Variants in CYP2C19 observed in about 807,000 individuals in gnomAD.
The protein encoded by CYP2C19 is cytochrome P450 family 2 subfamily C member 19.
CYP2C19 carries 59 observed loss-of-function variants against 40.9 expected under a neutral mutation model. The observed-to-expected ratio is 1.44, with a 90% CI of 1.17 to 1.79. The LOEUF (loss-of-function observed/expected upper bound fraction) is 1.79, where lower values mean the gene tolerates loss of function less well. CYP2C19 is among the 40% of genes most tolerant of loss of function. The pLI is 0.00. For synonymous variants in CYP2C19, 253 were observed against 208.7 expected (o/e 1.21, Z -1.83); for missense variants, 754 against 596.9 (o/e 1.26, Z -2.74).
chr10:94,799,644 A>T (rs1179665195), intron 5 of CYP2C19, among the ~76,000 whole-genome samples: 1 of 152,166 alleles, frequency 6.6e-6, no homozygotes, highest in Non-Finnish European at 1.5e-5. Flanking sequence ...AATCAAATGT[A>T]GATTTGGTCT....
intron 6 of CYP2C19, among the ~76,000 whole-genome samples, chr10:94,828,343 GC>G (rs1252188802): frequency 6.6e-6 from 1 of 151,626 alleles, no homozygotes; most frequent in East Asian, 1.9e-4. Context: ...GAATCTTGGT[GC>G]TCCTGTATTG....
chr10:94,822,583 A>G (rs1214824326), intron 6 of CYP2C19, among the ~76,000 whole-genome samples: 1 of 152,188 alleles, frequency 6.6e-6, no homozygotes, highest in East Asian at 1.9e-4. Context: ...GGGGGGGCAT[A>G]TACTCAATAG....
intron 6 of CYP2C19, among the ~76,000 whole-genome samples, chr10:94,840,993 G>A (rs1435680650): frequency 1.3e-5 from 2 of 152,210 alleles, no homozygotes; most frequent in African/African-American, 2.4e-5. Flanking sequence ...ATGTCCCTTT[G>A]TTGTCACCAA....
intron 1 of CYP2C19, among the ~76,000 whole-genome samples, chr10:94,771,144 G>A (rs1848324428): frequency 6.6e-6 from 1 of 152,060 alleles, no homozygotes; most frequent in South Asian, 2.1e-4. Context: ...AATCAGAGAG[G>A]GAGAAGCGGC....
At chr10:94,844,809 T>G (rs145947561) in intron 7 of CYP2C19, among the ~76,000 whole-genome samples, 4 of 152,260 alleles carry the variant, frequency 2.6e-5, no homozygotes, top group African/African-American at 9.6e-5. Context: ...CTGAGGGTAA[T>G]AGTAATGAAA....
intron 5 of CYP2C19, among the ~76,000 whole-genome samples, chr10:94,797,985 A>T (rs534478090): frequency 6.6e-6 from 1 of 151,794 alleles, no homozygotes; most frequent in African/African-American, 2.4e-5. Flanking sequence ...TTGTGTCTCT[A>T]TCTCTTTCAG....
chr10:94,851,979 G>A (rs1385698413), intron 8 of CYP2C19, among the ~76,000 whole-genome samples: 1 of 152,186 alleles, frequency 6.6e-6, no homozygotes, highest in Admixed American at 6.5e-5. Context: ...AGTAAAAAAG[G>A]AGATAAAATT....
intron 5 of CYP2C19, among the ~76,000 whole-genome samples, chr10:94,804,071 G>A (rs780768319): frequency 6.6e-6 from 1 of 152,104 alleles, no homozygotes; most frequent in African/African-American, 2.4e-5. Flanking sequence ...GGAAGAGTGG[G>A]GTGGCTAGGA....
At chr10:94,829,924 T>C (rs1849299831) in intron 6 of CYP2C19, among the ~76,000 whole-genome samples, 1 of 152,304 alleles carries the variant, frequency 6.6e-6, no homozygotes, top group South Asian at 2.1e-4. Context: ...GTGTGAGGTG[T>C]CAGTGTGCCC....
chr10:94,774,619 T>C (rs1480845602), intron 1 of CYP2C19: 1 of 180,124 alleles, frequency 5.6e-6, no homozygotes, highest in Non-Finnish European at 1.2e-5. Flanking sequence ...CAGGAAATTG[T>C]TAGTTCTTGA....
chr10:94,783,878 AACAGGG>A (rs1004861223), intron 5 of CYP2C19, among the ~76,000 whole-genome samples: 31 of 152,284 alleles, frequency 2.0e-4, no homozygotes, highest in African/African-American at 7.0e-4. Flanking sequence ...AAATCTGTAG[AACAGGG>A]AGTTATGCCA....
chr10:94,793,848 C>A (rs1848644289), intron 5 of CYP2C19, among the ~76,000 whole-genome samples: 1 of 152,156 alleles, frequency 6.6e-6, no homozygotes, highest in African/African-American at 2.4e-5. Context: ...TCTCAGATTT[C>A]AAACTTCCTG....
chr10:94,830,673 C>A (rs537918684), intron 6 of CYP2C19, among the ~76,000 whole-genome samples: 1 of 152,198 alleles, frequency 6.6e-6, no homozygotes, highest in African/African-American at 2.4e-5. Flanking sequence ...GCCATCTTTG[C>A]TCCTCCCCAC....
intron 5 of CYP2C19, among the ~76,000 whole-genome samples, chr10:94,798,440 T>C (rs956183454): frequency 1.3e-5 from 2 of 152,174 alleles, no homozygotes; most frequent in Non-Finnish European, 2.9e-5. Context: ...ATAAGCACGA[T>C]GTGGTGCTGA....
chr10:94,855,037 G>A lies in CYP2C19; in HGVS notation c.*2123G>A, dbSNP rs1849711448. Among the ~76,000 whole-genome samples the A allele has an allele frequency of 3.3e-5, 5 of 152,278 alleles. No individual in the cohort carries two copies. In the South Asian group the frequency reaches 1.0e-3, roughly 32 times the overall value. ...TCTGTTTCCTCCTGGAGACTGTAGT[G>A]GATAATCTGTTTTCCTGCCTATTTC... On this transcript the variant is annotated 3_prime_UTR_variant, in exon 9 of 9. Coordinates refer to ENST00000371321, the MANE Select transcript of CYP2C19 (RefSeq NM_000769.4).
chr10:94,820,400 A>T, intron 5 of CYP2C19, 96 bp from the exon 6 acceptor site: 1 of 1,391,384 alleles, frequency 7.2e-7, no homozygotes, highest in Non-Finnish European at 1.0e-6. Context: ...TACAGTTTCT[A>T]TGTTGGTAAG....
chr10:94,775,581 T>C (rs1554848938), intron 3 of CYP2C19, 42 bp downstream of exon 3: 1 of 1,613,786 alleles, frequency 6.2e-7, no homozygotes, highest in Non-Finnish European at 8.5e-7. Flanking sequence ...TCTGGACTGC[T>C]CTCCTCTCTA....
chr10:94,841,515 A>T lies in CYP2C19; in HGVS notation c.962-1322A>T, dbSNP rs539260919. 3.8e-4 allele frequency among the ~76,000 whole-genome samples: 58 copies of T among 152,280 alleles called. No homozygotes were observed. The South Asian group carries it at 4.8e-3, about 13-fold the overall frequency. The stretch of plus-strand genomic sequence containing the variant: ...CAGAGCTCCCATACAAAGGGAGGGG[A>T]CCCAAAGGGGGTTGCCCTTTGGTTT... On this transcript the variant is annotated intron_variant, in intron 6 of 8. Transcript: ENST00000371321.
chr10:94,778,386 C>T (rs1564662270), intron 3 of CYP2C19, among the ~76,000 whole-genome samples: 1 of 152,128 alleles, frequency 6.6e-6, no homozygotes, highest in Non-Finnish European at 1.5e-5. Context: ...AGAAGGCCTG[C>T]TCCTTTCCCT....
Sources: allele counts gnomAD v4.1 joint callset (sites outside exome capture counted in the v4.1 genomes callset), GRCh38; gene constraint gnomAD v4.1.1; transcripts MANE v1.5; gene names NCBI Gene and HGNC (gene_info 2026-07-23, HGNC 2026-07-21).